SGCD: variants seen among roughly 807,000 people sequenced by gnomAD.
SGCD encodes the protein sarcoglycan delta.
A neutral mutation model predicts 36.6 loss-of-function variants in SGCD; 18 were observed. That is an observed-to-expected ratio of 0.49 (90% CI 0.34 to 0.73). SGCD has a LOEUF of 0.73. SGCD is among the 30% of genes least tolerant of loss of function. SGCD has a pLI of 0.01. For missense variants in SGCD, 387 were observed against 346.7 expected (o/e 1.12, Z -0.92); for synonymous variants, 133 against 130.6 (o/e 1.02, Z -0.12).
chr5:156,750,608 C>T (rs554579507), intron 7 of SGCD, among the ~76,000 whole-genome samples: 24 of 150,592 alleles, frequency 1.6e-4, no homozygotes, highest in Non-Finnish European at 2.7e-4. Flanking sequence ...ATTGCGCCAC[C>T]GCACTTCAGC....
In SGCD at chr5:155,942,330, G is replaced by GTGTGTATCTATC. The variant is rs1554105950; in HGVS notation, c.-282+71907_-282+71908insGTGTATCTATCT. On this transcript the variant is annotated intron_variant, in intron 1 of 9. Coordinates refer to the SGCD transcript ENST00000517913. ...TGTATGTATGTATGTATGTATGTAT[G>GTGTGTATCTATC]TATGTATCTATCTATCTATCTATCT... Among the ~76,000 whole-genome samples, 450 of 135,606 alleles carry GTGTGTATCTATC rather than the reference G, an allele frequency of 3.3e-3. 2 individuals carry two copies. The highest frequency in any genetic ancestry group is 6.9e-3 in the South Asian group (27 of 3,934). 89.0% of individuals were successfully genotyped at this position (135,606 alleles called of 152,430 possible).
intron 1 of SGCD, among the ~76,000 whole-genome samples, chr5:155,871,177 G>A (rs1163833065): frequency 1.3e-5 from 2 of 152,042 alleles, no homozygotes; most frequent in Non-Finnish European, 1.5e-5. Flanking sequence ...GCTAATCAAG[G>A]TGATATAACC....
At chr5:156,262,832 C>G (rs890282674) in intron 3 of SGCD, among the ~76,000 whole-genome samples, 5 of 151,884 alleles carry the variant, frequency 3.3e-5, no homozygotes, top group Non-Finnish European at 7.4e-5. Flanking sequence ...TAATGGTCTC[C>G]AATTCCATTC....
chr5:155,991,401 A>G (rs886967621), intron 1 of SGCD, among the ~76,000 whole-genome samples: 3 of 152,202 alleles, frequency 2.0e-5, no homozygotes, highest in Non-Finnish European at 2.9e-5. Flanking sequence ...CCTAAATATC[A>G]CAGTGAGGTG....
rs533724813 is a variant in SGCD, at chr5:156,266,496, A to T, written c.-43-63038A>T. On this transcript the variant is annotated intron_variant, in intron 3 of 9. Transcript: ENST00000517913. ...TTAAAAATGGTTTTGACATTAAAAAATTTTGTAGATGGAGTCTCATTCTTT... is the reference window on the plus strand; with the variant it reads ...TTAAAAATGGTTTTGACATTAAAAATTTTTGTAGATGGAGTCTCATTCTTT... Among the ~76,000 whole-genome samples the T allele has an allele frequency of 2.6e-5, 4 of 152,306 alleles. No individual in the cohort carries two copies. In the South Asian group the frequency reaches 8.3e-4, roughly 32 times the overall value.
chr5:156,490,539 G>A (rs1755889092), intron 3 of SGCD, among the ~76,000 whole-genome samples: 1 of 150,740 alleles, frequency 6.6e-6, no homozygotes, highest in African/African-American at 2.4e-5. Flanking sequence ...GGGATTACAA[G>A]GATGGTTCAA....
intron 3 of SGCD, among the ~76,000 whole-genome samples, chr5:156,284,266 C>T (rs1185560165): frequency 6.6e-6 from 1 of 152,176 alleles, no homozygotes; most frequent in East Asian, 1.9e-4. Flanking sequence ...GGTACCATTC[C>T]TTCTGAAACT....
At chr5:156,144,278 G>A (rs1581127144) in intron 3 of SGCD, among the ~76,000 whole-genome samples, 2 of 151,960 alleles carry the variant, frequency 1.3e-5, no homozygotes, top group East Asian at 3.9e-4. Context: ...GGGTCAAATG[G>A]TATTTCTAGT....
At chr5:155,801,231 A>T in the SGCD span, among the ~76,000 whole-genome samples, 22 of 152,234 alleles carry the variant, frequency 1.4e-4, 1 homozygote, top group African/African-American at 5.3e-4. Flanking sequence ...AAAAAAAACA[A>T]AGACATTTCT....
At chr5:156,711,311 A>C (rs1754983764) in intron 7 of SGCD, among the ~76,000 whole-genome samples, 1 of 152,192 alleles carries the variant, frequency 6.6e-6, no homozygotes, top group South Asian at 2.1e-4. Context: ...CTTTAGTAAC[A>C]TTTAGTAAAC....
intron 6 of SGCD, among the ~76,000 whole-genome samples, chr5:156,642,677 C>T (rs1330630815): frequency 2.6e-5 from 4 of 151,822 alleles, no homozygotes; most frequent in African/African-American, 9.7e-5. Flanking sequence ...TCATGTTGGC[C>T]AGGGTGGTCT....
intron 4 of SGCD, among the ~76,000 whole-genome samples, chr5:156,539,704 T>C (rs1469150357): frequency 6.6e-6 from 1 of 152,194 alleles, no homozygotes. Context: ...AATTGTGAAT[T>C]GTGTTGCTAT....
Position 156,330,016 on chromosome 5 carries a change from C to CAAAAAAA in SGCD, c.3+455_3+461dup, listed in dbSNP as rs758475764. On this transcript the variant is annotated intron_variant, in intron 2 of 8. Transcript: ENST00000337851. Reference sequence around the variant, plus strand: ...TGGGCGACAGAGCAAGATTCAGTCTCAAAAAAAAAAAAAAAAAAAAAAAAT... The same window carrying CAAAAAAA: ...TGGGCGACAGAGCAAGATTCAGTCTCAAAAAAAAAAAAAAAAAAAAAAAAAAAAAAAT... 1.4e-4 allele frequency among the ~76,000 whole-genome samples: 8 copies of CAAAAAAA among 57,548 alleles called. No individual in the cohort carries two copies. In the South Asian group the frequency reaches 3.4e-3, roughly 24 times the overall value. The allele number at this position is 57,548 out of a possible 152,430, so 37.8% of individuals were successfully genotyped here.
At chr5:156,050,453 T>C (rs575463766) in intron 1 of SGCD, among the ~76,000 whole-genome samples, 1 of 147,006 alleles carries the variant, frequency 6.8e-6, no homozygotes, top group African/African-American at 2.4e-5. Flanking sequence ...AACTTTTCCA[T>C]GTACTAGGAA....
intron 1 of SGCD, among the ~76,000 whole-genome samples, chr5:156,053,387 G>C (rs1297869520): frequency 1.4e-5 from 2 of 146,470 alleles, no homozygotes; most frequent in African/African-American, 4.9e-5. Context: ...GGATGAACAG[G>C]AGACAGGGGG....
At chr5:156,420,601 C>G (rs906957844) in intron 3 of SGCD, among the ~76,000 whole-genome samples, 1 of 152,078 alleles carries the variant, frequency 6.6e-6, no homozygotes, top group African/African-American at 2.4e-5. Flanking sequence ...TGCTGCTTTA[C>G]AAAGAAATGT....
In SGCD at chr5:156,697,336, G is replaced by C. The variant is rs552986230; in HGVS notation, c.575+49800G>C. On this transcript the variant is annotated intron_variant, in intron 7 of 8. Transcript: ENST00000337851. ...GCGCAGCTCCCTTGGACCCCTGACT[G>C]TGTGTCTGAGGAGATGGACAAGAAC... is the stretch of plus-strand genomic sequence containing the variant. Among the ~76,000 whole-genome samples the C allele has an allele frequency of 2.0e-5, 3 of 152,258 alleles. No individual in the cohort carries two copies. The South Asian group carries it at 6.2e-4, about 32-fold the overall frequency.
chr5:156,511,392 GCTGT>G (rs1561745668), intron 4 of SGCD, among the ~76,000 whole-genome samples: 1 of 152,124 alleles, frequency 6.6e-6, no homozygotes, highest in African/African-American at 2.4e-5. Flanking sequence ...CAGTCTCTTC[GCTGT>G]CTGCTGCCTT....
chr5:156,052,508 G>A (rs1759945419), intron 1 of SGCD, among the ~76,000 whole-genome samples: 1 of 146,184 alleles, frequency 6.8e-6, no homozygotes, highest in African/African-American at 2.5e-5. Flanking sequence ...TAAACTGTTG[G>A]GCCAGGGCTA....
Sources: gnomAD v4.1 joint callset for allele counts (sites outside exome capture counted in the v4.1 genomes callset) on GRCh38, gnomAD v4.1.1 for gene constraint, MANE v1.5 for transcripts, NCBI Gene and HGNC (gene_info 2026-07-23, HGNC 2026-07-21) for gene names.